NUP210L: variants seen among roughly 807,000 people sequenced by gnomAD.
NUP210L encodes nuclear pore membrane glycoprotein 210-like.
NUP210L carries 74 observed loss-of-function variants against 208.5 expected under a neutral mutation model. The ratio of observed to expected loss-of-function variants is 0.35; its 90% confidence interval spans 0.29 to 0.43. NUP210L has a LOEUF of 0.43. Among genes scored for constraint, NUP210L ranks in the 20% least tolerant of loss-of-function variants. NUP210L has a pLI of 1.00. For missense variants in NUP210L, 1,843 were observed against 2,289.4 expected (o/e 0.81, Z 3.98); for synonymous variants, 780 against 816.9 (o/e 0.95, Z 0.77).
chr1:154,104,282 G>T, intron 12 of NUP210L, 72 bp from the exon 13 acceptor site: 1 of 1,209,886 alleles, frequency 8.3e-7, no homozygotes, highest in Non-Finnish European at 1.2e-6. Context: ...GAAGCAAGAT[G>T]GCCAAATAGA....
Position 154,094,832 on chromosome 1 carries a change from G to T in NUP210L, c.2187+103C>A, listed in dbSNP as rs1656103558. 5 of 798,192 alleles carry T rather than the reference G, an allele frequency of 6.3e-6. No homozygotes were observed. The East Asian group carries it at 1.1e-4, about 17-fold the overall frequency. 49.4% of individuals were successfully genotyped at this position (798,192 alleles called of 1,614,324 possible). A position where few individuals can be genotyped will look rare whatever the true frequency, so the allele number is the denominator to read the frequency against. ...TCAATAATTAGAATTTTCCTATTTAGTCCATAAACTAAATTCAGCAGAATC... is the reference window on the plus strand; with the variant it reads ...TCAATAATTAGAATTTTCCTATTTATTCCATAAACTAAATTCAGCAGAATC... On this transcript the variant is annotated intron_variant, in intron 15 of 39. Transcript: ENST00000368559.
intron 4 of NUP210L, among the ~76,000 whole-genome samples, chr1:154,140,527 C>G (rs1024363193): frequency 1.3e-5 from 2 of 150,858 alleles, no homozygotes; most frequent in Non-Finnish European, 2.9e-5. Context: ...ATTAGCTGGG[C>G]GTGGTGGCAG....
At chr1:154,143,922 C>T (rs1658984080) in intron 2 of NUP210L, among the ~76,000 whole-genome samples, 2 of 152,230 alleles carry the variant, frequency 1.3e-5, no homozygotes, top group Admixed American at 1.3e-4. Flanking sequence ...TGGCTCATGC[C>T]TGTAATCCCA....
In NUP210L at chr1:153,993,006, CTTT is replaced by C; in HGVS notation, c.5566+6_5566+8del. On this transcript the variant is annotated splice_donor_region_variant and intron_variant, in intron 39 of 39. Coordinates refer to ENST00000368559, the Ensembl canonical transcript of NUP210L. ...AGCTTTTCAAAGATGAGGACAGAGG[CTTT>C]TTTACCTGGCTGTGGTGTTCCTAGA... is the stretch of plus-strand genomic sequence containing the variant. 6.2e-7 allele frequency: 1 copy of C among 1,612,470 alleles called. No individual in the cohort carries two copies. The highest frequency in any genetic ancestry group is 2.2e-5 in the East Asian group (1 of 44,850).
intron 7 of NUP210L, among the ~76,000 whole-genome samples, chr1:154,131,961 C>T (rs1658279103): frequency 6.6e-6 from 1 of 152,078 alleles, no homozygotes; most frequent in South Asian, 2.1e-4. Context: ...AGGCGTGCAT[C>T]ACCACGCCCT....
At chr1:154,046,103 C>G (rs1653160907) in exon 27 of NUP210L, 1 of 1,614,006 alleles carries the variant, frequency 6.2e-7, no homozygotes, top group Non-Finnish European at 8.5e-7. Flanking sequence ...CAATACATCC[C>G]TTTTGCTCAT....
At chr1:154,125,008 T>C (rs982590505) in intron 10 of NUP210L, among the ~76,000 whole-genome samples, 5 of 151,256 alleles carry the variant, frequency 3.3e-5, no homozygotes, top group Non-Finnish European at 7.4e-5. Flanking sequence ...GAAATGTGCA[T>C]ATGAAATACA....
intron 16 of NUP210L, among the ~76,000 whole-genome samples, chr1:154,072,121 C>T (rs1161409886): frequency 6.6e-6 from 1 of 151,816 alleles, no homozygotes; most frequent in Non-Finnish European, 1.5e-5. Context: ...ATAATGACTT[C>T]TTTTCCTCTG....
chr1:154,058,070 G>A lies in NUP210L; in HGVS notation c.3107+19C>T. The A allele has an allele frequency of 4.3e-6, 7 of 1,612,620 alleles. No homozygotes were observed. The highest frequency in any genetic ancestry group is 1.1e-5 in the South Asian group (1 of 91,032). ...TTATGATATGCAGAGTGGGAAGGAA[G>A]TATTGAAATGGTACTTACGTCAGGG... On this transcript the variant is annotated intron_variant, in intron 22 of 39. Transcript: ENST00000368559.
At chr1:154,056,449 C>T (rs771568801) in intron 23 of NUP210L, among the ~76,000 whole-genome samples, 1 of 152,114 alleles carries the variant, frequency 6.6e-6, no homozygotes, top group Non-Finnish European at 1.5e-5. Context: ...GGGTCTCTCT[C>T]TGTCACTCAG....
intron 2 of NUP210L, among the ~76,000 whole-genome samples, chr1:154,151,714 G>A (rs1659393138): frequency 6.6e-6 from 1 of 151,982 alleles, no homozygotes; most frequent in African/African-American, 2.4e-5. Flanking sequence ...GTGTTGCGCA[G>A]GCCAGGCAGG....
At position 154,129,450 on chromosome 1, in the gene NUP210L, C is replaced by T. The variant is rs1658140903; in HGVS notation, c.1010-105G>A. ...AAACAAATGCACAAATGAAAACAAACAAAAATCCTATCTTTTATTATCCTT... is the reference window on the plus strand; with the variant it reads ...AAACAAATGCACAAATGAAAACAAATAAAAATCCTATCTTTTATTATCCTT... On this transcript the variant is annotated intron_variant, in intron 7 of 39. Transcript: ENST00000368559. 22 of 750,942 alleles carry T rather than the reference C, an allele frequency of 2.9e-5. No individual in the cohort carries two copies. The South Asian group carries it at 3.7e-4, about 13-fold the overall frequency. 46.5% of individuals were successfully genotyped at this position (750,942 alleles called of 1,614,324 possible). A position where few individuals can be genotyped will look rare whatever the true frequency, so the allele number is the denominator to read the frequency against.
chr1:154,136,546 G>C (rs1284281735), intron 6 of NUP210L, among the ~76,000 whole-genome samples: 2 of 151,994 alleles, frequency 1.3e-5, no homozygotes, highest in Admixed American at 6.6e-5. Flanking sequence ...TTAAAAACTA[G>C]TGAACTGAGT....
At chr1:154,149,954 T>TA (rs1321861388) in intron 2 of NUP210L, among the ~76,000 whole-genome samples, 1 of 152,186 alleles carries the variant, frequency 6.6e-6, no homozygotes, top group Non-Finnish European at 1.5e-5. Flanking sequence ...CAGCCGGGTG[T>TA]GGTTGGCTCA....
intron 15 of NUP210L, among the ~76,000 whole-genome samples, chr1:154,092,345 C>CTA (rs970044905): frequency 4.7e-5 from 7 of 149,888 alleles, no homozygotes; most frequent in African/African-American, 1.7e-4. Context: ...TCCCAAAGAG[C>CTA]TAGGATTACA....
At chr1:154,013,030 A>G (rs1441768564) in intron 33 of NUP210L, among the ~76,000 whole-genome samples, 19 of 146,656 alleles carry the variant, frequency 1.3e-4, no homozygotes, top group Non-Finnish European at 2.6e-4. Flanking sequence ...AAAAACAAAG[A>G]CGGGGTCTTG....
intron 11 of NUP210L, 65 bp from the exon 12 acceptor site, chr1:154,117,945 A>C (rs1657417922): frequency 2.6e-6 from 3 of 1,146,134 alleles, no homozygotes; most frequent in Non-Finnish European, 1.3e-6. Flanking sequence ...GAAAATGTAA[A>C]ACTTGACTGG....
At chr1:154,035,357 GTTCT>G (rs958781392) in intron 27 of NUP210L, among the ~76,000 whole-genome samples, 5 of 148,686 alleles carry the variant, frequency 3.4e-5, no homozygotes, top group Non-Finnish European at 7.4e-5. Flanking sequence ...TGCTTTTCTC[GTTCT>G]TTAAGATGCT....
At chr1:154,147,800 C>T (rs894440986) in intron 2 of NUP210L, among the ~76,000 whole-genome samples, 1 of 151,098 alleles carries the variant, frequency 6.6e-6, no homozygotes, top group African/African-American at 2.4e-5. Context: ...GGATTACAGG[C>T]ACACACCACC....
Sources: allele counts gnomAD v4.1 joint callset (sites outside exome capture counted in the v4.1 genomes callset), GRCh38; gene constraint gnomAD v4.1.1; transcripts MANE v1.5; gene names NCBI Gene and HGNC (gene_info 2026-07-23, HGNC 2026-07-21).